The following MAP3K5 variants were observed in gnomAD, a reference collection of about 807,000 sequenced individuals.
MAP3K5 encodes the protein ASK-1.
Under a neutral mutation model 158.7 loss-of-function variants are expected in MAP3K5, and 56 were observed. The observed-to-expected ratio is 0.35, with a 90% confidence interval of 0.28 to 0.44. MAP3K5 has a LOEUF of 0.44. Among genes scored for constraint, MAP3K5 ranks in the 20% least tolerant of loss-of-function variants. MAP3K5 has a pLI of 1.00. For synonymous variants in MAP3K5, 579 were observed against 601.7 expected (o/e 0.96, Z 0.55); for missense variants, 1,294 against 1,674.8 (o/e 0.77, Z 3.97).
chr6:136,584,715 G>A (rs1422657180), intron 23 of MAP3K5, among the ~76,000 whole-genome samples: 1 of 152,116 alleles, frequency 6.6e-6, no homozygotes, highest in African/African-American at 2.4e-5. Context: ...AAGTGGACAA[G>A]AACAGAAATG....
intron 1 of MAP3K5, among the ~76,000 whole-genome samples, chr6:136,776,755 T>C (rs1784417077): frequency 6.6e-6 from 1 of 152,210 alleles, no homozygotes; most frequent in Non-Finnish European, 1.5e-5. Context: ...TTGGTAAGAC[T>C]AACACAATGG....
intron 1 of MAP3K5, among the ~76,000 whole-genome samples, chr6:136,783,680 C>T (rs184068702): frequency 5.8e-4 from 89 of 152,272 alleles, no homozygotes; most frequent in Non-Finnish European, 8.8e-4. Context: ...GAAAGGGGAG[C>T]GTGTGATAAA....
At chr6:136,582,775 C>T (rs1774947804) in intron 24 of MAP3K5, among the ~76,000 whole-genome samples, 1 of 152,158 alleles carries the variant, frequency 6.6e-6, no homozygotes, top group Non-Finnish European at 1.5e-5. Flanking sequence ...CATATTTATA[C>T]CACAAGCACC....
chr6:136,584,363 T>G (rs1426651911), intron 23 of MAP3K5: 1 of 153,018 alleles, frequency 6.5e-6, no homozygotes, highest in Non-Finnish European at 1.5e-5. Flanking sequence ...TACCCGAGAC[T>G]GGGCAATTTA....
At chr6:136,792,548 GC>G (rs1303181266), upstream of MAP3K5, 1 of 170,248 alleles carries the variant, frequency 5.9e-6, no homozygotes, top group East Asian at 1.9e-4. This position sits in a 1 kb window ranked among gnomAD's most constrained non-coding sequence, Gnocchi z 5.7. Flanking sequence ...CACCCGCCGC[GC>G]CGCGCCGCGC....
At chr6:136,751,590 T>C (rs1783210723) in intron 1 of MAP3K5, among the ~76,000 whole-genome samples, 1 of 152,174 alleles carries the variant, frequency 6.6e-6, no homozygotes. Flanking sequence ...CCCATCCCAC[T>C]CAACAATCAG....
intron 1 of MAP3K5, among the ~76,000 whole-genome samples, chr6:136,722,813 A>G (rs1781802747): frequency 6.6e-6 from 1 of 151,800 alleles, no homozygotes; most frequent in South Asian, 2.1e-4. Flanking sequence ...CAGCCTCCTG[A>G]GTAGCTGGGA....
At chr6:136,622,085 CA>C (rs57596059) in intron 15 of MAP3K5, among the ~76,000 whole-genome samples, 1,151 of 94,756 alleles carry the variant, frequency 0.012, 11 homozygotes, top group African/African-American at 0.028. Flanking sequence ...GACTCCGTCT[CA>C]AAAAAAAAAA....
At chr6:136,604,286 C>A (rs1776004966) in intron 19 of MAP3K5, among the ~76,000 whole-genome samples, 1 of 150,782 alleles carries the variant, frequency 6.6e-6, no homozygotes. Context: ...CGCGCCACTG[C>A]ACTCCAGCCT....
At chr6:136,731,714 A>G (rs574122831) in intron 1 of MAP3K5, among the ~76,000 whole-genome samples, 1 of 152,348 alleles carries the variant, frequency 6.6e-6, no homozygotes, top group Admixed American at 6.5e-5. Context: ...CTGCATGATA[A>G]CGAAGGTAAG....
At chr6:136,717,009 T>C (rs1005009092) in intron 2 of MAP3K5, among the ~76,000 whole-genome samples, 13 of 151,898 alleles carry the variant, frequency 8.6e-5, no homozygotes, top group Admixed American at 8.5e-4. Flanking sequence ...AATATAAAAA[T>C]TAGCCAGGCA....
chr6:136,653,569 G>A (rs73777949), intron 10 of MAP3K5, among the ~76,000 whole-genome samples: 3,687 of 152,204 alleles, frequency 0.024, 153 homozygotes, highest in African/African-American at 0.084. Flanking sequence ...GGGAGAGCAC[G>A]GGTGGCAAAT....
At chr6:136,663,388 C>T (rs1050050587) in intron 8 of MAP3K5, among the ~76,000 whole-genome samples, 12 of 152,112 alleles carry the variant, frequency 7.9e-5, no homozygotes, top group African/African-American at 2.2e-4. Flanking sequence ...CATGACATTC[C>T]GCTCTGAAAT....
chr6:136,628,576 G>A (rs963463699), intron 14 of MAP3K5, among the ~76,000 whole-genome samples: 2 of 152,134 alleles, frequency 1.3e-5, no homozygotes, highest in Admixed American at 6.6e-5. Flanking sequence ...CATAAACCTT[G>A]ATGAGGCTGC....
chr6:136,788,095 C>A (rs76414505), intron 1 of MAP3K5, among the ~76,000 whole-genome samples: 1,855 of 152,216 alleles, frequency 0.012, 49 homozygotes, highest in African/African-American at 0.043. Context: ...AGTAATAGGG[C>A]AGAGTTGAGA....
At chr6:136,685,188 C>G (rs1288569529) in intron 7 of MAP3K5, among the ~76,000 whole-genome samples, 1 of 151,900 alleles carries the variant, frequency 6.6e-6, no homozygotes, top group East Asian at 1.9e-4. Context: ...CATGGTGGCA[C>G]GCGCCTGTAG....
Position 136,737,035 on chromosome 6 carries a change from G to GCATATATATATATATATATATA in MAP3K5, c.449-16447_449-16446insTATATATATATATATATATATG, listed in dbSNP as rs1554308004. On this transcript the variant is annotated intron_variant, in intron 1 of 29. Transcript: ENST00000359015. ...ATTAATTTTACATATATATATGTGT[G>GCATATATATATATATATATATA]TGTATATATATATATATATATAAAC... Among the ~76,000 whole-genome samples, 19 of 118,706 alleles carry GCATATATATATATATATATATA rather than the reference G, an allele frequency of 1.6e-4. No individual in the cohort carries two copies. The South Asian group carries it at 1.8e-3, about 11-fold the overall frequency. 77.9% of individuals were successfully genotyped at this position (118,706 alleles called of 152,430 possible). A position where few individuals can be genotyped will look rare whatever the true frequency, so the allele number is the denominator to read the frequency against.
At chr6:136,595,217 A>C (rs1249630143) in intron 21 of MAP3K5, among the ~76,000 whole-genome samples, 1 of 152,164 alleles carries the variant, frequency 6.6e-6, no homozygotes, top group African/African-American at 2.4e-5. Context: ...TCCTAGGTTC[A>C]AGTGATTTTC....
At chr6:136,761,494 G>A (rs889944914) in intron 1 of MAP3K5, among the ~76,000 whole-genome samples, 2 of 152,060 alleles carry the variant, frequency 1.3e-5, no homozygotes, top group Non-Finnish European at 2.9e-5. Context: ...AATTGTTCTC[G>A]CATCCCAAAT....
Sources: gnomAD v4.1 joint callset for allele counts (sites outside exome capture counted in the v4.1 genomes callset) on GRCh38, gnomAD v4.1.1 for gene constraint, Gnocchi (gnomAD v3.1) non-coding constraint, MANE v1.5 for transcripts, NCBI Gene and HGNC (gene_info 2026-07-23, HGNC 2026-07-21) for gene names.